The following CHRM3 variants were observed in gnomAD, a reference collection of about 807,000 sequenced individuals.
CHRM3 encodes the protein muscarinic acetylcholine receptor M3.
Under a neutral mutation model 41.8 loss-of-function variants are expected in CHRM3, and 11 were observed. The ratio of observed to expected loss-of-function variants is 0.26; its 90% CI spans 0.17 to 0.44. The LOEUF (loss-of-function observed/expected upper bound fraction) is 0.44, where lower values mean the gene tolerates loss of function less well. Among genes scored for constraint, CHRM3 ranks in the 20% least tolerant of loss-of-function variants. The probability of loss-of-function intolerance (pLI) is 1.00; values close to 1 mark genes in which losing one functional copy is unlikely to be tolerated. For synonymous variants in CHRM3, 297 were observed against 301.4 expected (o/e 0.99, Z 0.15); for missense variants, 571 against 745.4 (o/e 0.77, Z 2.72).
chr1:239,602,743 A>G (rs1429436731), intron 3 of CHRM3, among the ~76,000 whole-genome samples: 1 of 152,170 alleles, frequency 6.6e-6, no homozygotes, highest in Non-Finnish European at 1.5e-5. Context: ...TGCTTTTTCA[A>G]ATTTATATTT....
At chr1:239,883,858 A>G (rs1572587531) in intron 6 of CHRM3, among the ~76,000 whole-genome samples, 2 of 152,204 alleles carry the variant, frequency 1.3e-5, no homozygotes, top group Admixed American at 1.3e-4. Flanking sequence ...TTTATCCCCT[A>G]CTCTAATCTC....
chr1:239,892,033 G>T (rs182632498), intron 6 of CHRM3, among the ~76,000 whole-genome samples: 2 of 152,298 alleles, frequency 1.3e-5, no homozygotes, highest in Admixed American at 1.3e-4. Flanking sequence ...CAAGTAAGAG[G>T]CTTAGAATTT....
At chr1:239,821,286 A>C (rs533731174) in intron 5 of CHRM3, among the ~76,000 whole-genome samples, 1 of 152,252 alleles carries the variant, frequency 6.6e-6, no homozygotes, top group Non-Finnish European at 1.5e-5. Flanking sequence ...TCTCTGTTTT[A>C]TCTGACATAA....
In CHRM3 at chr1:239,541,573, G is replaced by A. The variant is rs74907661; in HGVS notation, c.-421-4068G>A. Among the ~76,000 whole-genome samples the A allele has an allele frequency of 7.0e-4, 107 of 152,072 alleles. No homozygotes were observed. In the East Asian group the frequency reaches 0.016, roughly 23 times the overall value. On this transcript the variant is annotated intron_variant, in intron 2 of 6. Transcript: ENST00000676153. The stretch of plus-strand genomic sequence containing the variant: ...GTCACCCAGGCTGGAGTGCAGTGGC[G>A]TGATTACCTCTCACCACAACCTCCA...
At chr1:239,620,880 T>A (rs1668285857) in intron 3 of CHRM3, among the ~76,000 whole-genome samples, 1 of 152,080 alleles carries the variant, frequency 6.6e-6, no homozygotes, top group Non-Finnish European at 1.5e-5. Context: ...ATATGCATAG[T>A]CGTATGAGTG....
At chr1:239,761,757 G>A (rs530100849) in intron 5 of CHRM3, among the ~76,000 whole-genome samples, 1 of 152,292 alleles carries the variant, frequency 6.6e-6, no homozygotes, top group South Asian at 2.1e-4. Flanking sequence ...TCTTCCCAGT[G>A]GTCCTGTCCC....
At chr1:239,900,155 G>C (rs1679405865) in intron 6 of CHRM3, among the ~76,000 whole-genome samples, 1 of 152,156 alleles carries the variant, frequency 6.6e-6, no homozygotes, top group Admixed American at 6.5e-5. Flanking sequence ...TGGAATAGCT[G>C]TTGAGTCAGG....
intron 1 of CHRM3, among the ~76,000 whole-genome samples, chr1:239,417,586 T>G (rs1239425365): frequency 4.6e-5 from 7 of 151,412 alleles, no homozygotes; most frequent in African/African-American, 7.3e-5. Flanking sequence ...TTTGTTTTTT[T>G]TTTTTTTTTT....
intron 3 of CHRM3, among the ~76,000 whole-genome samples, chr1:239,580,301 C>CACACACACAT (rs1553332567): frequency 5.8e-5 from 8 of 139,094 alleles, no homozygotes; most frequent in African/African-American, 2.2e-4. Flanking sequence ...CACACACACA[C>CACACACACAT]ACACACATCA....
At chr1:239,497,457 G>A (rs1667958557) in intron 2 of CHRM3, among the ~76,000 whole-genome samples, 1 of 152,082 alleles carries the variant, frequency 6.6e-6, no homozygotes, top group Admixed American at 6.6e-5. Context: ...TCACTCTTTT[G>A]CTGGCTCATA....
chr1:239,905,321 T>C (rs1558228145), intron 6 of CHRM3, among the ~76,000 whole-genome samples: 1 of 152,124 alleles, frequency 6.6e-6, no homozygotes, highest in African/African-American at 2.4e-5. Flanking sequence ...ACTCTTTAGG[T>C]CCTCCCAGAC....
intron 4 of CHRM3, among the ~76,000 whole-genome samples, chr1:239,641,695 C>G (rs1671171669): frequency 6.9e-6 from 1 of 145,620 alleles, no homozygotes; most frequent in Non-Finnish European, 1.5e-5. Context: ...ATACAGCACA[C>G]TGCTGGGTCT....
At chr1:239,717,078 G>C (rs1319260960) in intron 5 of CHRM3, among the ~76,000 whole-genome samples, 2 of 151,370 alleles carry the variant, frequency 1.3e-5, no homozygotes, top group African/African-American at 4.9e-5. Flanking sequence ...GTTACCATGA[G>C]TACATTTTCC....
chr1:239,747,379 T>A (rs552766263), intron 5 of CHRM3, among the ~76,000 whole-genome samples: 2 of 152,144 alleles, frequency 1.3e-5, no homozygotes, highest in Non-Finnish European at 2.9e-5. Flanking sequence ...TAAGTCCAAC[T>A]AAAGATGTTC....
At chr1:239,407,080 T>C (rs765531898) in intron 1 of CHRM3, among the ~76,000 whole-genome samples, 3 of 152,158 alleles carry the variant, frequency 2.0e-5, no homozygotes, top group Non-Finnish European at 4.4e-5. Flanking sequence ...TTTTCTTTTT[T>C]TGTTGTTGTC....
At chr1:239,554,624 A>C (rs1271926896) in intron 3 of CHRM3, among the ~76,000 whole-genome samples, 1 of 152,190 alleles carries the variant, frequency 6.6e-6, no homozygotes, top group Admixed American at 6.5e-5. Flanking sequence ...AGATTACAAA[A>C]TTTGACATTT....
At chr1:239,534,233 C>T (rs978500347) in intron 2 of CHRM3, among the ~76,000 whole-genome samples, 5 of 152,234 alleles carry the variant, frequency 3.3e-5, no homozygotes, top group Non-Finnish European at 7.4e-5. Context: ...GAAACAGGCA[C>T]AAGAATTGCT....
chr1:239,468,061 G>A (rs1558245240), intron 1 of CHRM3, among the ~76,000 whole-genome samples: 1 of 152,090 alleles, frequency 6.6e-6, no homozygotes, highest in South Asian at 2.1e-4. Flanking sequence ...CCAAAACTTA[G>A]TCTTAGTAAT....
At chr1:239,847,062 C>G (rs1004039290) in intron 6 of CHRM3, among the ~76,000 whole-genome samples, 4 of 152,210 alleles carry the variant, frequency 2.6e-5, no homozygotes, top group Non-Finnish European at 2.9e-5. Flanking sequence ...GTGTTCTACT[C>G]TGTCCACCAT....
Sources: allele counts gnomAD v4.1 joint callset (sites outside exome capture counted in the v4.1 genomes callset), GRCh38; gene constraint gnomAD v4.1.1; transcripts MANE v1.5; gene names NCBI Gene and HGNC (gene_info 2026-07-23, HGNC 2026-07-21).